Variants in CD2AP observed in about 807,000 individuals in gnomAD.
The protein encoded by CD2AP is CD2-associated protein.
CD2AP carries 46 observed loss-of-function variants against 85.1 expected under a neutral mutation model. The ratio of observed to expected loss-of-function variants is 0.54; its 90% confidence interval spans 0.43 to 0.69. CD2AP has a LOEUF of 0.69. Ranked by LOEUF, CD2AP falls within the 30% of genes least tolerant of loss-of-function variation. The probability of loss-of-function intolerance (pLI) is 0.00; values close to 1 mark genes in which losing one functional copy is unlikely to be tolerated. For missense variants in CD2AP, 769 were observed against 729.5 expected (o/e 1.05, Z -0.62); for synonymous variants, 255 against 252.9 (o/e 1.01, Z -0.08).
chr6:47,584,869 G>A (rs1768578745), intron 11 of CD2AP, among the ~76,000 whole-genome samples: 1 of 152,006 alleles, frequency 6.6e-6, no homozygotes, highest in African/African-American at 2.4e-5. Flanking sequence ...CCACATGTAA[G>A]AGGTATATTG....
chr6:47,485,869 T>G (rs1390322387), intron 1 of CD2AP, among the ~76,000 whole-genome samples: 1 of 152,206 alleles, frequency 6.6e-6, no homozygotes, highest in African/African-American at 2.4e-5. Context: ...TTTTGTAGCC[T>G]AGGAGCAATA....
At position 47,625,165 on chromosome 6, in the gene CD2AP, T is replaced by TAAAAAG. The variant is rs1769878024; in HGVS notation, c.*938_*939insAAAAAG. 2 of 151,910 alleles carry TAAAAAG rather than the reference T, an allele frequency of 1.3e-5. No individual in the cohort carries two copies. The highest frequency in any genetic ancestry group is 4.8e-5 in the African/African-American group (2 of 41,442). The allele number at this position is 151,910 out of a possible 1,614,324, so 9.4% of individuals were successfully genotyped here. A position where few individuals can be genotyped will look rare whatever the true frequency, so the allele number is the denominator to read the frequency against. On this transcript the variant is annotated 3_prime_UTR_variant, in exon 18 of 18. Transcript: ENST00000359314. ...TCTCATTATCTTGTCACTTAGTTCTTCATGTTTCTCCTTCTGACTTTTAAT... is the reference window on the plus strand; with the variant it reads ...TCTCATTATCTTGTCACTTAGTTCTTAAAAAGCATGTTTCTCCTTCTGACTTTTAAT...
intron 2 of CD2AP, among the ~76,000 whole-genome samples, chr6:47,523,002 A>G (rs1419671161): frequency 6.6e-6 from 1 of 152,054 alleles, no homozygotes; most frequent in Non-Finnish European, 1.5e-5. Context: ...GACTGTTGTT[A>G]TTCCAGTTTT....
At chr6:47,611,875 G>A (rs1455959660) in intron 16 of CD2AP, among the ~76,000 whole-genome samples, 1 of 151,926 alleles carries the variant, frequency 6.6e-6, no homozygotes, top group Admixed American at 6.6e-5. Context: ...TTTAAAATTT[G>A]TGAAAAGACA....
intron 3 of CD2AP, among the ~76,000 whole-genome samples, chr6:47,536,536 G>A (rs371425328): frequency 6.5e-4 from 99 of 152,240 alleles, no homozygotes; most frequent in African/African-American, 2.2e-3. Context: ...CCAAAAACTG[G>A]ATTGGACTAG....
At chr6:47,492,008 T>C (rs908389291) in intron 1 of CD2AP, among the ~76,000 whole-genome samples, 1 of 152,210 alleles carries the variant, frequency 6.6e-6, no homozygotes, top group African/African-American at 2.4e-5. Context: ...ATTTCCTTTT[T>C]TTGGTTCTTA....
chr6:47,565,652 T>C (rs1767972919), intron 5 of CD2AP, among the ~76,000 whole-genome samples: 1 of 152,134 alleles, frequency 6.6e-6, no homozygotes, highest in South Asian at 2.1e-4. Context: ...CAGGCCAAAA[T>C]TCTTAGATTT....
At chr6:47,560,124 TAAAAC>T (rs1382589330) in intron 5 of CD2AP, among the ~76,000 whole-genome samples, 1 of 152,056 alleles carries the variant, frequency 6.6e-6, no homozygotes, top group Non-Finnish European at 1.5e-5. Flanking sequence ...ATTATAAAAA[TAAAAC>T]AAAGACCTCT....
intron 5 of CD2AP, among the ~76,000 whole-genome samples, chr6:47,557,594 A>G (rs1274576051): frequency 4.6e-5 from 7 of 152,164 alleles, no homozygotes; most frequent in Non-Finnish European, 1.0e-4. Flanking sequence ...TCCTTTCCCC[A>G]TTGCTGGTTT....
chr6:47,609,345 C>T (rs1769363353), intron 16 of CD2AP, 41 bp downstream of exon 16: 1 of 1,468,958 alleles, frequency 6.8e-7, no homozygotes, highest in Non-Finnish European at 9.5e-7. Context: ...CTACTTAACC[C>T]ATGCATAAAG....
intron 12 of CD2AP, 147 bp from the exon 13 acceptor site, chr6:47,599,151 TAGG>T: frequency 1.7e-6 from 1 of 592,288 alleles, no homozygotes. Flanking sequence ...TGATCAGCCT[TAGG>T]AGAGAGTTTT....
chr6:47,502,604 C>G (rs1250428309), intron 1 of CD2AP, among the ~76,000 whole-genome samples: 2 of 151,894 alleles, frequency 1.3e-5, no homozygotes, highest in Admixed American at 1.3e-4. Flanking sequence ...AGCTATTCTC[C>G]TACCTCAGCC....
At chr6:47,596,154 A>G (rs1768939859) in intron 12 of CD2AP, 128 bp downstream of exon 12, 1 of 717,460 alleles carries the variant, frequency 1.4e-6, no homozygotes, top group Non-Finnish European at 2.4e-6. Flanking sequence ...TTTAAAATTG[A>G]CATATACAAT....
At position 47,491,400 on chromosome 6, in the gene CD2AP, A is replaced by G. The variant is rs150356497; in HGVS notation, c.5-11880A>G. Among the ~76,000 whole-genome samples the G allele has an allele frequency of 7.2e-5, 11 of 152,032 alleles. No homozygotes were observed. The East Asian group carries it at 1.9e-3, about 27-fold the overall frequency. ...TAAAGCTTGTAATTTTTTATCTTAT[A>G]CTGAAATATATTTTTGTTAATTTTT... On this transcript the variant is annotated intron_variant, in intron 1 of 17. Coordinates refer to ENST00000359314, the MANE Select transcript of CD2AP (RefSeq NM_012120.3).
chr6:47,563,596 A>G (rs1767917080), intron 5 of CD2AP, among the ~76,000 whole-genome samples: 2 of 152,208 alleles, frequency 1.3e-5, no homozygotes, highest in African/African-American at 2.4e-5. Flanking sequence ...ATTTGTGTAC[A>G]GTATTATGCT....
chr6:47,607,285 T>C (rs969634460), intron 14 of CD2AP, among the ~76,000 whole-genome samples: 6 of 152,138 alleles, frequency 3.9e-5, no homozygotes, highest in African/African-American at 1.4e-4. Flanking sequence ...AGTGCAGATA[T>C]CCCTTTGATA....
At chr6:47,497,364 C>CTTCCCCTTCTCCTTCCCT (rs1765891075) in intron 1 of CD2AP, among the ~76,000 whole-genome samples, 1 of 147,280 alleles carries the variant, frequency 6.8e-6, no homozygotes, top group Non-Finnish European at 1.5e-5. Context: ...TCCCCTTCCC[C>CTTCCCCTTCTCCTTCCCT]TTCCCCTTCT....
At chr6:47,481,312 A>G (rs964102243) in intron 1 of CD2AP, among the ~76,000 whole-genome samples, 1 of 152,166 alleles carries the variant, frequency 6.6e-6, no homozygotes, top group South Asian at 2.1e-4. Context: ...GCTCTCGTAT[A>G]TAAAACATAT....
intron 14 of CD2AP, 100 bp from the exon 15 acceptor site, chr6:47,607,827 C>A: frequency 1.3e-6 from 1 of 752,538 alleles, no homozygotes. Flanking sequence ...ACAGTAGCAG[C>A]TGAAAATCCA....
Sources: allele counts gnomAD v4.1 joint callset (sites outside exome capture counted in the v4.1 genomes callset), GRCh38; gene constraint gnomAD v4.1.1; transcripts MANE v1.5; gene names NCBI Gene and HGNC (gene_info 2026-07-23, HGNC 2026-07-21).